Variants in DNAH1 observed in about 807,000 individuals in gnomAD.
The protein encoded by DNAH1 is dynein axonemal heavy chain 1.
Under a neutral mutation model 484.3 loss-of-function variants are expected in DNAH1, and 327 were observed. The observed-to-expected ratio is 0.68, with a 90% CI of 0.62 to 0.74. DNAH1 has a LOEUF of 0.74. Among genes scored for constraint, DNAH1 ranks in the 30% least tolerant of loss-of-function variants. The pLI, the probability that DNAH1 is intolerant of heterozygous loss-of-function variation, is 0.00. For synonymous variants in DNAH1, 2,192 were observed against 2,191.9 expected (o/e 1.00, Z 0.00); for missense variants, 5,052 against 5,546.8 (o/e 0.91, Z 2.83).
Position 52,396,696 on chromosome 3 carries a change from C to CT in DNAH1, c.11510dup (p.Phe3839LeufsTer6). The CT allele has an allele frequency of 6.2e-7, 1 of 1,613,778 alleles. No homozygotes were observed. The highest frequency in any genetic ancestry group is 8.5e-7 in the Non-Finnish European group (1 of 1,179,882). On this transcript the variant is annotated frameshift_variant, in exon 72 of 78. Transcript: ENST00000420323. LOFTEE classifies it high-confidence loss of function. ...CCTGGAGCGCCGTAAGTTTGGGCCC[C>CT]TGGGCTTCAACATCCCCTATGAGTT...
chr3:52,320,523 T>A (rs1340382253), intron 1 of DNAH1, among the ~76,000 whole-genome samples: 3 of 152,240 alleles, frequency 2.0e-5, no homozygotes, highest in Non-Finnish European at 2.9e-5. Context: ...TGCATGCTGC[T>A]TCAGCACTGC....
intron 1 of DNAH1, among the ~76,000 whole-genome samples, chr3:52,321,900 C>T (rs1003430037): frequency 5.9e-5 from 9 of 152,076 alleles, no homozygotes; most frequent in African/African-American, 9.7e-5. Context: ...CATGGTCCAG[C>T]GCTCACAGGT....
At position 52,318,293 on chromosome 3, in the gene DNAH1, G is replaced by A. The variant is rs574419075; in HGVS notation, c.-35+1748G>A. Among the ~76,000 whole-genome samples the A allele has an allele frequency of 3.3e-4, 50 of 152,292 alleles. No homozygotes were observed. The South Asian group carries it at 1.0e-2, about 30-fold the overall frequency. On this transcript the variant is annotated intron_variant, in intron 1 of 77. Coordinates refer to ENST00000420323, the MANE Select transcript of DNAH1 (RefSeq NM_015512.5). ...TTAAACTCCTGACCTCGGGTGATCCGCCCGCCTGGGCCCAAGTGTTTGGAT... is the reference window on the plus strand; with the variant it reads ...TTAAACTCCTGACCTCGGGTGATCCACCCGCCTGGGCCCAAGTGTTTGGAT...
At chr3:52,375,918 T>TA in intron 45 of DNAH1, 37 bp from the exon 46 acceptor site, 1 of 1,610,718 alleles carries the variant, frequency 6.2e-7, no homozygotes, top group East Asian at 2.2e-5. Context: ...GAGGTCCACC[T>TA]AACCCTGAGC....
rs1181019471 is a variant in DNAH1 at position 52,388,155 on chromosome 3, T to G, written c.9004-12T>G. 5.0e-6 allele frequency: 8 copies of G among 1,604,814 alleles called. No individual in the cohort carries two copies. Among genetic ancestry groups the G allele is most frequent in the African/African-American group, 1.3e-5 (1 of 74,894 alleles). ...AGAAGCAGCCTCTTGAGACCCAGGC[T>G]TCCCACCTCAGGACAACATTGGGGA... On this transcript the variant is annotated splice_polypyrimidine_tract_variant and intron_variant, in intron 56 of 77. Coordinates refer to ENST00000420323, the MANE Select transcript of DNAH1 (RefSeq NM_015512.5).
rs1324306866 is a variant in DNAH1 at position 52,370,130 on chromosome 3, GTCC to G, written c.6162_6164del (p.Ser2055del). The G allele has an allele frequency of 6.2e-7, 1 of 1,613,998 alleles. No individual in the cohort carries two copies. The highest frequency in any genetic ancestry group is 1.3e-5 in the African/African-American group (1 of 75,048). Reference sequence around the variant, plus strand: ...TGCAGGAATCCATCTCCTTCGTTCGGTCCTCAGTGAAGGAGGTGATCGCCTCAA... The same window carrying G: ...TGCAGGAATCCATCTCCTTCGTTCGGTCAGTGAAGGAGGTGATCGCCTCAA... On this transcript the variant is annotated inframe_deletion, in exon 39 of 78. Transcript: ENST00000420323.
chr3:52,383,977 G>T lies in DNAH1; in HGVS notation c.8268G>T (p.Val2756=). The part of the protein sequence containing the change: ...PAEALKSVAT[V]FLNEIPELES... ...AAGCCCTGAAGTCTGTGGCCACCGT[G>T]TTCCTCAATGAGATCCCAGAACTGG... is the stretch of plus-strand genomic sequence containing the variant. The change falls in exon 52 of 78, where the codon GTG becomes GTT. Residue 2756 remains valine, a synonymous_variant. Transcript: ENST00000420323. 6.2e-7 allele frequency: 1 copy of T among 1,611,282 alleles called. No homozygotes were observed. Among genetic ancestry groups the T allele is most frequent in the Middle Eastern group, 1.7e-4 (1 of 6,060 alleles).
chr3:52,360,456 T>A (rs1702808400), intron 28 of DNAH1, 32 bp downstream of exon 28: 2 of 1,564,678 alleles, frequency 1.3e-6, no homozygotes, highest in Non-Finnish European at 8.8e-7. Flanking sequence ...CTTCCCACAC[T>A]GAGACCCTCC....
At chr3:52,393,528 C>T (rs373610903) in intron 66 of DNAH1, 43 bp downstream of exon 66, 2 of 1,607,770 alleles carry the variant, frequency 1.2e-6, no homozygotes, top group South Asian at 1.1e-5. Flanking sequence ...GAGGGGTGGC[C>T]CTGTGGCAGG....
chr3:52,346,545 G>A lies in DNAH1; in HGVS notation c.1730G>A (p.Ser577Asn). Reference sequence around the variant, plus strand: ...ATGCGCAGCAGCCTGCGCGACATGAGCAAGGGCTGGTACAACCTCTACGAG... The same window carrying A: ...ATGCGCAGCAGCCTGCGCGACATGAACAAGGGCTGGTACAACCTCTACGAG... ...VAMRSSLRDM[S>N]KGWYNLYETN... Residue 577 changes from serine to asparagine, a missense_variant, in exon 11 of 78, where the codon AGC (serine) becomes AAC (asparagine). Around this residue, in one of 4 missense-constraint regions of DNAH1, gnomAD observed 1,263 missense variants for 1,218.8 expected, o/e 1.04. Coordinates refer to ENST00000420323, the MANE Select transcript of DNAH1 (RefSeq NM_015512.5). The A allele has an allele frequency of 6.2e-7, 1 of 1,614,036 alleles. No homozygotes were observed. Among genetic ancestry groups the A allele is most frequent in the Non-Finnish European group, 8.5e-7 (1 of 1,179,888 alleles).
intron 45 of DNAH1, 98 bp from the exon 46 acceptor site, chr3:52,375,857 C>G (rs747868026): frequency 1.4e-6 from 2 of 1,411,936 alleles, no homozygotes; most frequent in Non-Finnish European, 2.0e-6. Flanking sequence ...GAAAAGCTTA[C>G]CCCAAGATGC....
intron 16 of DNAH1, 96 bp from the exon 17 acceptor site, chr3:52,351,866 C>A: frequency 6.9e-7 from 1 of 1,440,998 alleles, no homozygotes; most frequent in Admixed American, 2.0e-5. Context: ...TTCTCACTGG[C>A]TGCCTGGGTG....
intron 23 of DNAH1, 77 bp downstream of exon 23, chr3:52,357,812 AG>A: frequency 6.3e-7 from 1 of 1,577,470 alleles, no homozygotes; most frequent in Non-Finnish European, 8.6e-7. Context: ...TGCTCAGGCT[AG>A]GGTGCGGGGA....
chr3:52,373,786 T>C, intron 44 of DNAH1: 1 of 1,421,228 alleles, frequency 7.0e-7, no homozygotes, highest in South Asian at 1.2e-5. Flanking sequence ...TTAAGTGAAA[T>C]GGTAGAATAT....
intron 54 of DNAH1, among the ~76,000 whole-genome samples, chr3:52,385,683 C>T (rs1578187840): frequency 3.3e-5 from 5 of 152,236 alleles, no homozygotes; most frequent in Admixed American, 6.5e-5. Flanking sequence ...GGAATCTGAA[C>T]GATTCCAATA....
chr3:52,390,141 G>A (rs1158538306), intron 60 of DNAH1, among the ~76,000 whole-genome samples: 1 of 152,110 alleles, frequency 6.6e-6, no homozygotes, highest in Non-Finnish European at 1.5e-5. Flanking sequence ...AAAAAAGAGT[G>A]TTGGGTGGAG....
intron 15 of DNAH1, 80 bp downstream of exon 15, chr3:52,350,188 C>T (rs763945510): frequency 2.7e-5 from 42 of 1,554,502 alleles, no homozygotes; most frequent in Admixed American, 1.5e-4. Context: ...CAGGCAGGGG[C>T]TGGGAGGTCG....
rs150895896 is a variant in DNAH1 at position 52,398,031 on chromosome 3, G to T, written c.11959-1G>T. On this transcript the variant is annotated splice_acceptor_variant, in intron 74 of 77. Transcript: ENST00000420323. LOFTEE classifies it high-confidence loss of function. Reference sequence around the variant, plus strand: ...CCCACAGTATTCCTTTGCCCCTGCAGATAGTGGAGGACGTCACCCAAAACA... The same window carrying T: ...CCCACAGTATTCCTTTGCCCCTGCATATAGTGGAGGACGTCACCCAAAACA... 6.2e-7 allele frequency: 1 copy of T among 1,613,238 alleles called. No homozygotes were observed. Among genetic ancestry groups the T allele is most frequent in the Non-Finnish European group, 8.5e-7 (1 of 1,179,480 alleles).
chr3:52,367,288 C>T (rs1007315174), intron 36 of DNAH1, among the ~76,000 whole-genome samples: 2 of 152,120 alleles, frequency 1.3e-5, no homozygotes, highest in Non-Finnish European at 1.5e-5. Context: ...GCTGAGACGT[C>T]GGCACCTCAG....
Sources: allele counts gnomAD v4.1 joint callset (sites outside exome capture counted in the v4.1 genomes callset), GRCh38; gene constraint gnomAD v4.1.1; regional missense constraint gnomAD v4.1.1; transcripts MANE v1.5; gene names NCBI Gene and HGNC (gene_info 2026-07-23, HGNC 2026-07-21).